Variants in CRTC3 observed in about 807,000 individuals in gnomAD.
The protein encoded by CRTC3 is CREB regulated transcription coactivator 3.
Under a neutral mutation model 74.5 loss-of-function variants are expected in CRTC3, and 26 were observed. The ratio of observed to expected loss-of-function variants is 0.35; its 90% CI spans 0.26 to 0.48. CRTC3 has a LOEUF of 0.48. Among genes scored for constraint, CRTC3 ranks in the 20% least tolerant of loss-of-function variants. The pLI, the probability that CRTC3 is intolerant of heterozygous loss-of-function variation, is 0.99. For synonymous variants in CRTC3, 377 were observed against 325.8 expected (o/e 1.16, Z -1.69); for missense variants, 760 against 787.3 (o/e 0.97, Z 0.41).
intron 1 of CRTC3, among the ~76,000 whole-genome samples, chr15:90,532,404 T>C (rs1411179657): frequency 6.6e-6 from 1 of 152,224 alleles, no homozygotes; most frequent in African/African-American, 2.4e-5. Flanking sequence ...TAGTTCATAA[T>C]TGGTAACTGG....
At chr15:90,564,542 G>A (rs140775320) in intron 2 of CRTC3, among the ~76,000 whole-genome samples, 16 of 152,018 alleles carry the variant, frequency 1.1e-4, no homozygotes, top group African/African-American at 1.7e-4. Flanking sequence ...TCCAGTAAAG[G>A]CTACAAAGGC....
intron 2 of CRTC3, among the ~76,000 whole-genome samples, chr15:90,559,999 A>T (rs916871298): frequency 6.6e-6 from 1 of 152,174 alleles, no homozygotes; most frequent in Admixed American, 6.5e-5. Context: ...TCCTGTTCAT[A>T]ACCTTTTCTC....
chr15:90,638,658 C>T lies in CRTC3; in HGVS notation c.1467+12C>T, dbSNP rs1479702949. The T allele has an allele frequency of 1.1e-5, 17 of 1,613,390 alleles. No homozygotes were observed. The highest frequency in any genetic ancestry group is 1.3e-5 in the Non-Finnish European group (15 of 1,179,624). On this transcript the variant is annotated intron_variant, in intron 12 of 14. Transcript: ENST00000268184. ...TTCTCCCGGCCCAGGTGAGTTCTGG[C>T]AGGAGCGTTGGTGCAGAGGGAATGC...
At chr15:90,588,683 G>GC (rs1967724864) in intron 2 of CRTC3, among the ~76,000 whole-genome samples, 1 of 74,180 alleles carries the variant, frequency 1.3e-5, no homozygotes. Context: ...TGGTGCCTGA[G>GC]CTGTAGGACC....
In CRTC3 at chr15:90,534,099, AGAG is replaced by A. The variant is rs530568038; in HGVS notation, c.132+3897_132+3899del. ...CTCTAGCTCCAGCGTGGTGGGTAGA[AGAG>A]AGGAGGAGGAGGATTTTAGTAGGAG... On this transcript the variant is annotated intron_variant, in intron 1 of 14. Transcript: ENST00000268184. Among the ~76,000 whole-genome samples the A allele has an allele frequency of 5.9e-5, 9 of 152,286 alleles. No homozygotes were observed. The East Asian group carries it at 1.7e-3, about 29-fold the overall frequency.
At chr15:90,568,992 C>CTT (rs35646500) in intron 2 of CRTC3, among the ~76,000 whole-genome samples, 1,688 of 147,848 alleles carry the variant, frequency 0.011, 23 homozygotes, top group African/African-American at 0.031. Flanking sequence ...TATAACGAAA[C>CTT]TTTTTTTTTT....
At chr15:90,540,236 T>C (rs1023681506) in intron 2 of CRTC3, 99 bp downstream of exon 2, 1 of 792,322 alleles carries the variant, frequency 1.3e-6, no homozygotes, top group African/African-American at 1.7e-5. Flanking sequence ...AAGCTGGGCC[T>C]AGGTACAGTT....
intron 10 of CRTC3, among the ~76,000 whole-genome samples, chr15:90,627,310 ACATTTGCTT>A (rs1051113479): frequency 2.0e-5 from 3 of 152,224 alleles, no homozygotes; most frequent in African/African-American, 7.2e-5. Flanking sequence ...TGATATTTAT[ACATTTGCTT>A]CATAGGAGAA....
intron 4 of CRTC3, among the ~76,000 whole-genome samples, chr15:90,603,225 C>T (rs1459771711): frequency 2.6e-5 from 4 of 151,724 alleles, no homozygotes; most frequent in East Asian, 1.9e-4. Flanking sequence ...GGGCAGATCA[C>T]AAGCTCAGGA....
rs997584151 is a variant in CRTC3 at position 90,605,098 on chromosome 15, G to GA, written c.476+662dup. The stretch of plus-strand genomic sequence containing the variant: ...CAAGATGGTGAGACCCTGTCTCTAT[G>GA]AAAAAAAAAAAGGCGTGGTGGCACG... On this transcript the variant is annotated intron_variant, in intron 5 of 14. Coordinates refer to ENST00000268184, the MANE Select transcript of CRTC3 (RefSeq NM_022769.5). Among the ~76,000 whole-genome samples, 665 of 144,678 alleles carry GA rather than the reference G, an allele frequency of 4.6e-3. 2 individuals are homozygous for GA. The highest frequency in any genetic ancestry group is 9.7e-3 in the African/African-American group (386 of 39,662). The allele number at this position is 144,678 out of a possible 152,430, so 94.9% of individuals were successfully genotyped here.
chr15:90,560,487 T>G (rs1157128186), intron 2 of CRTC3, among the ~76,000 whole-genome samples: 1 of 152,238 alleles, frequency 6.6e-6, no homozygotes, highest in Non-Finnish European at 1.5e-5. Context: ...TTTAGCTTAC[T>G]CCACCCTCCT....
At chr15:90,630,599 T>C (rs1969000975) in intron 11 of CRTC3, among the ~76,000 whole-genome samples, 1 of 152,054 alleles carries the variant, frequency 6.6e-6, no homozygotes, top group Admixed American at 6.6e-5. Flanking sequence ...GGCAACAGAG[T>C]GAGACCCTGT....
At chr15:90,560,525 G>A (rs149492191) in intron 2 of CRTC3, among the ~76,000 whole-genome samples, 2 of 152,222 alleles carry the variant, frequency 1.3e-5, no homozygotes, top group Admixed American at 6.5e-5. Context: ...TGGGGCAGAC[G>A]ATGAATACTT....
chr15:90,574,756 T>C (rs1256910685), intron 2 of CRTC3, among the ~76,000 whole-genome samples: 2 of 152,156 alleles, frequency 1.3e-5, no homozygotes, highest in African/African-American at 2.4e-5. Context: ...AGTAGAAAAA[T>C]TATGTTTCTG....
At chr15:90,545,882 C>T (rs1325627286) in intron 2 of CRTC3, among the ~76,000 whole-genome samples, 1 of 152,114 alleles carries the variant, frequency 6.6e-6, no homozygotes, top group East Asian at 1.9e-4. Context: ...CTGGCCTTGT[C>T]TAGTTTTTAA....
intron 2 of CRTC3, among the ~76,000 whole-genome samples, chr15:90,564,139 G>A (rs966775260): frequency 6.6e-6 from 1 of 152,284 alleles, no homozygotes; most frequent in African/African-American, 2.4e-5. Flanking sequence ...GCCAAAAATG[G>A]TAAAGCCAGA....
intron 2 of CRTC3, among the ~76,000 whole-genome samples, chr15:90,542,948 A>G (rs1047900270): frequency 6.6e-6 from 1 of 152,174 alleles, no homozygotes; most frequent in African/African-American, 2.4e-5. Context: ...ATGGTATCAC[A>G]TTAGGGACAT....
intron 14 of CRTC3, among the ~76,000 whole-genome samples, chr15:90,641,685 C>CAAAAAAAAAAAAAA (rs11294553): frequency 1.9e-4 from 25 of 132,900 alleles, no homozygotes; most frequent in African/African-American, 6.9e-4. Context: ...CAACAGTCTC[C>CAAAAAAAAAAAAAA]AAAAAAAAAA....
intron 2 of CRTC3, among the ~76,000 whole-genome samples, chr15:90,588,395 CATATT>C (rs1967718980): frequency 6.6e-6 from 1 of 150,596 alleles, no homozygotes; most frequent in Admixed American, 6.6e-5. Context: ...ATTTTTCACT[CATATT>C]ACTTGTCCGT....
Sources: allele counts gnomAD v4.1 joint callset (sites outside exome capture counted in the v4.1 genomes callset), GRCh38; gene constraint gnomAD v4.1.1; transcripts MANE v1.5; gene names NCBI Gene and HGNC (gene_info 2026-07-23, HGNC 2026-07-21).